INMT: variants seen among roughly 807,000 people sequenced by gnomAD.
INMT encodes indolethylamine N-methyltransferase.
INMT carries 11 observed loss-of-function variants against 11.5 expected under a neutral mutation model. That is an observed-to-expected ratio of 0.95 (90% confidence interval 0.60 to 1.58). The LOEUF (loss-of-function observed/expected upper bound fraction) is 1.58, where lower values mean the gene tolerates loss of function less well. INMT is among the 40% of genes most tolerant of loss of function. The pLI, the probability that INMT is intolerant of heterozygous loss-of-function variation, is 0.00. For synonymous variants in INMT, 155 were observed against 142.9 expected (o/e 1.08, Z -0.60); for missense variants, 316 against 336.1 (o/e 0.94, Z 0.47).
At chr7:30,753,101 C>G (rs1786128126) in intron 1 of INMT, among the ~76,000 whole-genome samples, 1 of 152,198 alleles carries the variant, frequency 6.6e-6, no homozygotes, top group Non-Finnish European at 1.5e-5. Flanking sequence ...AAGTGATGGC[C>G]CCACGCCAGG....
chr7:30,756,074 T>C lies in INMT; in HGVS notation c.*223T>C, dbSNP rs542794214. 32 of 1,373,762 alleles carry C rather than the reference T, an allele frequency of 2.3e-5. No homozygotes were observed. In the South Asian group the frequency reaches 5.3e-4, roughly 23 times the overall value. The allele number at this position is 1,373,762 out of a possible 1,614,324, so 85.1% of individuals were successfully genotyped here. On this transcript the variant is annotated 3_prime_UTR_variant, in exon 3 of 3. Transcript: ENST00000013222. ...TGGAATTTTCCATTTTCTAATATACTAAGCCTTACAGCTATCTTAGATGCG... is the reference window on the plus strand; with the variant it reads ...TGGAATTTTCCATTTTCTAATATACCAAGCCTTACAGCTATCTTAGATGCG...
chr7:30,755,360 T>C (rs1052514551), intron 2 of INMT, 62 bp from the exon 3 acceptor site: 1 of 1,409,452 alleles, frequency 7.1e-7, no homozygotes, highest in Admixed American at 2.1e-5. Flanking sequence ...CTGGTCACAG[T>C]GGACTGAGAG....
At chr7:30,755,148 GC>G (rs1265066993) in intron 2 of INMT, among the ~76,000 whole-genome samples, 1 of 152,076 alleles carries the variant, frequency 6.6e-6, no homozygotes, top group East Asian at 1.9e-4. Flanking sequence ...GCTTGGGGTG[GC>G]TTTGTCCATC....
intron 2 of INMT, 24 bp downstream of exon 2, chr7:30,753,962 G>A (rs1223470856): frequency 6.2e-7 from 1 of 1,607,342 alleles, no homozygotes; most frequent in South Asian, 1.1e-5. Flanking sequence ...GGTTGGGGAG[G>A]GGGTTCCCAG....
rs976527292 is a variant in INMT at position 30,753,900 on chromosome 7, C to T, written c.324C>T (p.Thr108=). The part of the protein sequence containing the change: ...LKKEPGAYDW[T]PAVKFACELE... ...AGGAGCCGGGGGCCTATGACTGGAC[C>T]CCAGCGGTGAAATTCGCCTGTGAGC... Residue 108 remains threonine, a synonymous_variant, in exon 2 of 3, where the codon ACC becomes ACT. Coordinates refer to ENST00000013222, the MANE Select transcript of INMT (RefSeq NM_006774.5). The T allele has an allele frequency of 2.5e-6, 4 of 1,614,022 alleles. No individual in the cohort carries two copies. In the African/African-American group the frequency reaches 5.3e-5, roughly 22 times the overall value.
In INMT at chr7:30,754,496, C is replaced by T. The variant is rs1786174932; in HGVS notation, c.362+558C>T. On this transcript the variant is annotated intron_variant, in intron 2 of 2. Coordinates refer to ENST00000013222, the MANE Select transcript of INMT (RefSeq NM_006774.5). This position sits in a 1 kb window ranked among gnomAD's most constrained non-coding sequence, Gnocchi z 4.9. ...ATTCATCCATCCATATCCATCCATC[C>T]ATCCATCCATCCACCCATTCATATC... Among the ~76,000 whole-genome samples the T allele has an allele frequency of 6.6e-6, 1 of 151,562 alleles. No individual in the cohort carries two copies. The highest frequency in any genetic ancestry group is 1.5e-5 in the Non-Finnish European group (1 of 67,880).
In INMT at chr7:30,755,970, C is replaced by A. The variant is rs974291525; in HGVS notation, c.*119C>A. 2.0e-4 allele frequency: 289 copies of A among 1,447,114 alleles called. No homozygotes were observed. The highest frequency in any genetic ancestry group is 2.5e-4 in the Non-Finnish European group (278 of 1,105,498). 89.6% of individuals were successfully genotyped at this position (1,447,114 alleles called of 1,614,324 possible). On this transcript the variant is annotated 3_prime_UTR_variant, in exon 3 of 3. Transcript: ENST00000013222. The stretch of plus-strand genomic sequence containing the variant: ...TCTGATTTCAACACTAACATTCCAT[C>A]TTCTGAAATTCTGAGATTCTAACAT...
rs1026927998 is a variant in INMT at position 30,756,407 on chromosome 7, T to TTTTTA, written c.*560_*561insATTTT. On this transcript the variant is annotated 3_prime_UTR_variant, in exon 3 of 3. Transcript: ENST00000013222. ...CTCGCCACCACACCCAGCTAATTTT[T>TTTTTA]TTTTTTTTTTTTTTATTTGAGACGG... The TTTTTA allele has an allele frequency of 6.8e-6, 1 of 147,768 alleles. No homozygotes were observed. Among genetic ancestry groups the TTTTTA allele is most frequent in the African/African-American group, 2.7e-5 (1 of 36,934 alleles). The allele number at this position is 147,768 out of a possible 1,614,324, so 9.2% of individuals were successfully genotyped here.
Position 30,755,503 on chromosome 7 carries a change from G to A in INMT, c.444G>A (p.Pro148=), listed in dbSNP as rs34640571. Residue 148 remains proline (P), a synonymous_variant, in exon 3 of 3, where the codon CCG becomes CCA. Transcript: ENST00000013222. ...VLKCDVHLGN[P]LAPAVLPLAD... ...AGTGCGATGTCCACCTGGGCAACCC[G>A]CTGGCCCCGGCTGTGTTGCCTCTCG... The A allele has an allele frequency of 0.013, 20,281 of 1,605,872 alleles. 1,214 individuals carry two copies. In the Admixed American group the frequency reaches 0.18, roughly 14 times the overall value.
Position 30,755,891 on chromosome 7 carries a change from C to A in INMT, c.*40C>A. On this transcript the variant is annotated 3_prime_UTR_variant, in exon 3 of 3. Transcript: ENST00000013222. ...CCAGAGGTCTGGTCAGGCTGTGAGG[C>A]CTTGGCCATCTGTATGCTAGAGAGG... is the stretch of plus-strand genomic sequence containing the variant. 6.4e-7 allele frequency: 1 copy of A among 1,571,596 alleles called. No homozygotes were observed. Among genetic ancestry groups the A allele is most frequent in the Non-Finnish European group, 8.6e-7 (1 of 1,160,398 alleles).
chr7:30,755,360 T>A, intron 2 of INMT, 62 bp from the exon 3 acceptor site: 1 of 1,409,452 alleles, frequency 7.1e-7, no homozygotes, highest in Non-Finnish European at 9.5e-7. Context: ...CTGGTCACAG[T>A]GGACTGAGAG....
chr7:30,755,625 C>T lies in INMT; in HGVS notation c.566C>T (p.Pro189Leu), dbSNP rs142938904. The change falls in exon 3 of 3, where the codon CCG becomes CTG. Residue 189 changes from proline (P) to leucine (L), a missense_variant. Transcript: ENST00000013222. ...TGCAACCTTGCCTCACTGCTCAAGC[C>T]GGGTGGCCACCTGGTGACCACTGTC... ...ALCNLASLLK[P>L]GGHLVTTVTL... The T allele has an allele frequency of 1.2e-3, 1,941 of 1,614,236 alleles. 2 individuals are homozygous for T. Among genetic ancestry groups the T allele is most frequent in the Non-Finnish European group, 1.6e-3 (1,838 of 1,180,044 alleles).
rs61741736 is a variant in INMT at position 30,755,850 on chromosome 7, G to C, written c.791G>C (p.Ter264SerextTer20). 46,347 of 1,604,138 alleles carry C rather than the reference G, an allele frequency of 0.029. 758 individuals are homozygous for C. The highest frequency in any genetic ancestry group is 0.034 in the Non-Finnish European group (40,295 of 1,174,428). The stretch of plus-strand genomic sequence containing the variant: ...GTGGCTCGCAAGAAGCCTGGGCCCT[G>C]AGCCAGGAGGGCCAGCCAGAGGTCT... ...FIVARKKPGP* is the reference protein window; with the variant it reads ...FIVARKKPGPS Residue 264 changes from the stop codon to serine (S), a stop_lost, in exon 3 of 3, where the codon TGA becomes TCA. Coordinates refer to ENST00000013222, the MANE Select transcript of INMT (RefSeq NM_006774.5).
In INMT at chr7:30,756,280, G is replaced by A. The variant is rs1269926671; in HGVS notation, c.*429G>A. ...AGACGGAGTCTGGCTCTGTCACCCA[G>A]GCTAGAGTGCAATGGCACGATCTCG... On this transcript the variant is annotated 3_prime_UTR_variant, in exon 3 of 3. Transcript: ENST00000013222. 14 of 953,390 alleles carry A rather than the reference G, an allele frequency of 1.5e-5. No individual in the cohort carries two copies. Among genetic ancestry groups the A allele is most frequent in the Non-Finnish European group, 1.8e-5 (14 of 799,020 alleles). 59.1% of individuals were successfully genotyped at this position (953,390 alleles called of 1,614,324 possible).
chr7:30,753,616 T>G, intron 1 of INMT, 115 bp from the exon 2 acceptor site: 2 of 895,410 alleles, frequency 2.2e-6, no homozygotes, highest in Non-Finnish European at 3.6e-6. Context: ...CAATCCGTGA[T>G]AACCACCAAG....
Position 30,753,881 on chromosome 7 carries a change from CG to C in INMT, c.310del (p.Ala104ProfsTer8). On this transcript the variant is annotated frameshift_variant, in exon 2 of 3. Coordinates refer to ENST00000013222, the MANE Select transcript of INMT (RefSeq NM_006774.5). LOFTEE classifies it high-confidence loss of function. Reference sequence around the variant, plus strand: ...CTGGAAAAGTGGCTGAAGAAGGAGCCGGGGGCCTATGACTGGACCCCAGCGG... The same window carrying C: ...CTGGAAAAGTGGCTGAAGAAGGAGCCGGGGCCTATGACTGGACCCCAGCGG... ...EELEKWLKKE[P>X]GAYDWTPAVK... 1.2e-6 allele frequency: 2 copies of C among 1,614,138 alleles called. No individual in the cohort carries two copies. The highest frequency in any genetic ancestry group is 1.1e-5 in the South Asian group (1 of 91,082).
At position 30,752,158 on chromosome 7, in the gene INMT, G is replaced by T. The variant is rs749574121; in HGVS notation, c.8G>T (p.Gly3Val). MK[G>V]GFTGGDEYQK... is the part of the protein sequence containing the mutation. ...GCACATTTCAGGGACACCATGAAGG[G>T]TGGCTTCACTGGGGGTGATGAGTAC... is the stretch of plus-strand genomic sequence containing the variant. Residue 3 changes from glycine to valine, a missense_variant, in exon 1 of 3, where the codon GGT becomes GTT. Gly to Val is a moderately radical substitution (Grantham distance 109). Coordinates refer to ENST00000013222, the MANE Select transcript of INMT (RefSeq NM_006774.5). 1 of 1,613,978 alleles carries T rather than the reference G, an allele frequency of 6.2e-7. No individual in the cohort carries two copies. Among genetic ancestry groups the T allele is most frequent in the Non-Finnish European group, 8.5e-7 (1 of 1,179,926 alleles).
rs1469177049 is a variant in INMT at position 30,756,136 on chromosome 7, G to A, written c.*285G>A. ...GTGTGACTGTGGAGCACCCAGGGAC[G>A]TGGTTTTAGAGTCTACCTAATATGT... On this transcript the variant is annotated 3_prime_UTR_variant, in exon 3 of 3. Coordinates refer to ENST00000013222, the MANE Select transcript of INMT (RefSeq NM_006774.5). The A allele has an allele frequency of 2.0e-5, 24 of 1,205,524 alleles. 1 individual carries two copies. In the East Asian group the frequency reaches 8.3e-4, roughly 42 times the overall value. The allele number at this position is 1,205,524 out of a possible 1,614,324, so 74.7% of individuals were successfully genotyped here.
chr7:30,755,617 G>T lies in INMT; in HGVS notation c.558G>T (p.Leu186=). ...CTGCCCTGTGCAACCTTGCCTCACTGCTCAAGCCGGGTGGCCACCTGGTGA... is the reference window on the plus strand; with the variant it reads ...CTGCCCTGTGCAACCTTGCCTCACTTCTCAAGCCGGGTGGCCACCTGGTGA... ...YRAALCNLAS[L]LKPGGHLVTT... is the part of the protein sequence containing the mutation. The change falls in exon 3 of 3, where the codon CTG becomes CTT. Residue 186 remains leucine, a synonymous_variant. Transcript: ENST00000013222. The T allele has an allele frequency of 6.2e-7, 1 of 1,614,214 alleles. No individual in the cohort carries two copies. The highest frequency in any genetic ancestry group is 8.5e-7 in the Non-Finnish European group (1 of 1,180,036).
Sources: gnomAD v4.1 joint callset for allele counts (sites outside exome capture counted in the v4.1 genomes callset) on GRCh38, gnomAD v4.1.1 for gene constraint, Gnocchi (gnomAD v3.1) non-coding constraint, MANE v1.5 for transcripts, NCBI Gene and HGNC (gene_info 2026-07-23, HGNC 2026-07-21) for gene names.